CEMIP: variants seen among roughly 807,000 people sequenced by gnomAD.
CEMIP encodes cell migration inducing hyaluronidase 1.
Under a neutral mutation model 156.9 loss-of-function variants are expected in CEMIP, and 105 were observed. The observed-to-expected ratio is 0.67, with a 90% CI of 0.57 to 0.79. The LOEUF (loss-of-function observed/expected upper bound fraction) is 0.79. Ranked by LOEUF, CEMIP falls within the 30% of genes least tolerant of loss-of-function variation. CEMIP has a pLI of 0.00. For synonymous variants in CEMIP, 676 were observed against 668.4 expected, an observed-to-expected ratio of 1.01 and a Z score of -0.17; for missense variants, 1,457 against 1,769.4, an observed-to-expected ratio of 0.82 and a Z score of 3.17.
At chr15:80,912,371 G>A (rs567099363) in intron 14 of CEMIP, among the ~76,000 whole-genome samples, 40 of 152,226 alleles carry the variant, frequency 2.6e-4, no homozygotes, top group African/African-American at 8.2e-4. Flanking sequence ...GTCTCCCTCC[G>A]GCCTGGGTCT....
intron 24 of CEMIP, 75 bp from the exon 25 acceptor site, chr15:80,937,719 T>G: frequency 6.9e-7 from 1 of 1,441,446 alleles, no homozygotes; most frequent in Non-Finnish European, 9.7e-7. Context: ...TTTGGTCTCT[T>G]TCTCCAAGGC....
At chr15:80,780,440 C>G (rs1056659739) in intron 1 of CEMIP, among the ~76,000 whole-genome samples, 3 of 152,216 alleles carry the variant, frequency 2.0e-5, no homozygotes, top group African/African-American at 7.2e-5. Flanking sequence ...GATGCGTGTG[C>G]TCATGAGAGA....
At chr15:80,844,449 G>C in intron 1 of CEMIP, among the ~76,000 whole-genome samples, 1 of 152,190 alleles carries the variant, frequency 6.6e-6, no homozygotes, top group East Asian at 1.9e-4. Context: ...TCCAAATTTA[G>C]CCAGGTGACT....
chr15:80,891,195 T>C (rs1899022374), intron 10 of CEMIP, among the ~76,000 whole-genome samples: 1 of 152,218 alleles, frequency 6.6e-6, no homozygotes. Flanking sequence ...TCTTTCCTGG[T>C]GTTTGCTCTG....
chr15:80,930,257 C>T (rs1168909501), intron 21 of CEMIP, among the ~76,000 whole-genome samples: 1 of 152,254 alleles, frequency 6.6e-6, no homozygotes, highest in African/African-American at 2.4e-5. Context: ...GAAGCCCTTC[C>T]TTTTGTCTAA....
At chr15:80,791,880 T>C (rs1339625106) in intron 1 of CEMIP, among the ~76,000 whole-genome samples, 2 of 151,288 alleles carry the variant, frequency 1.3e-5, no homozygotes, top group East Asian at 1.9e-4. Context: ...GAGGAGGGAG[T>C]AGTCACCACG....
intron 1 of CEMIP, among the ~76,000 whole-genome samples, chr15:80,830,331 T>G (rs991504079): frequency 2.6e-5 from 4 of 152,252 alleles, no homozygotes; most frequent in African/African-American, 9.6e-5. Flanking sequence ...AGCCCCTGAC[T>G]GTGAGCATGA....
chr15:80,904,697 A>G (rs1899720056), intron 12 of CEMIP, among the ~76,000 whole-genome samples: 1 of 152,188 alleles, frequency 6.6e-6, no homozygotes, highest in African/African-American at 2.4e-5. Context: ...GCCAAGGAAC[A>G]CAGGCAGCCA....
At chr15:80,841,939 G>GA in intron 1 of CEMIP, 1 of 273,448 alleles carries the variant, frequency 3.7e-6, no homozygotes, top group Non-Finnish European at 7.8e-6. Flanking sequence ...TCCTGGCGGG[G>GA]ATTACATACA....
rs557100381 is a variant in CEMIP at position 80,830,180 on chromosome 15, C to T, written c.-175-43358C>T. Among the ~76,000 whole-genome samples, 5 of 152,290 alleles carry T rather than the reference C, an allele frequency of 3.3e-5. No homozygotes were observed. In the South Asian group the frequency reaches 6.2e-4, roughly 19 times the overall value. On this transcript the variant is annotated intron_variant, in intron 1 of 29. Coordinates refer to ENST00000394685, the MANE Select transcript of CEMIP (RefSeq NM_001293298.2). Reference sequence around the variant, plus strand: ...GCTGATGGCTGGTCACTTTTACATCCGCCCATAAACTTCCTTTGTTCAACC... The same window carrying T: ...GCTGATGGCTGGTCACTTTTACATCTGCCCATAAACTTCCTTTGTTCAACC...
chr15:80,898,604 G>A (rs1214107774), intron 12 of CEMIP, among the ~76,000 whole-genome samples: 1 of 152,126 alleles, frequency 6.6e-6, no homozygotes, highest in African/African-American at 2.4e-5. Flanking sequence ...TAGAGACAGA[G>A]CCTCACTATG....
intron 12 of CEMIP, chr15:80,896,316 C>A: frequency 1.6e-6 from 1 of 642,230 alleles, no homozygotes; most frequent in Non-Finnish European, 2.9e-6. Context: ...ATATGACTCC[C>A]ATTCTTCCCA....
chr15:80,850,341 A>G (rs1026145419), intron 1 of CEMIP, among the ~76,000 whole-genome samples: 3 of 152,086 alleles, frequency 2.0e-5, no homozygotes, highest in Admixed American at 2.0e-4. Context: ...CAGTAGCGCA[A>G]TCTCAGTTCA....
chr15:80,893,257 A>C (rs1243144405), intron 10 of CEMIP, among the ~76,000 whole-genome samples: 4 of 152,028 alleles, frequency 2.6e-5, no homozygotes, highest in African/African-American at 9.7e-5. Flanking sequence ...TATATTGATA[A>C]TTATTTTGTT....
At chr15:80,905,985 A>C (rs1052534777) in intron 12 of CEMIP, among the ~76,000 whole-genome samples, 1 of 152,190 alleles carries the variant, frequency 6.6e-6, no homozygotes, top group South Asian at 2.1e-4. Context: ...AGAAGCTCCA[A>C]TCTGGCTCTT....
At chr15:80,943,775 T>C (rs1901433001) in intron 28 of CEMIP, among the ~76,000 whole-genome samples, 1 of 152,174 alleles carries the variant, frequency 6.6e-6, no homozygotes, top group African/African-American at 2.4e-5. Flanking sequence ...TTGCTGTTCA[T>C]CACCAACACT....
At chr15:80,880,375 T>C (rs1009389778) in intron 5 of CEMIP, among the ~76,000 whole-genome samples, 3 of 152,234 alleles carry the variant, frequency 2.0e-5, no homozygotes, top group Non-Finnish European at 4.4e-5. Flanking sequence ...CACGTCTGCT[T>C]GGCCCTGAGG....
chr15:80,810,249 A>C (rs1896626263), intron 1 of CEMIP, among the ~76,000 whole-genome samples: 1 of 152,246 alleles, frequency 6.6e-6, no homozygotes, highest in Non-Finnish European at 1.5e-5. Flanking sequence ...AAAAAGTCTT[A>C]CAAATATAGC....
chr15:80,909,532 A>T (rs1899960969), intron 14 of CEMIP: 2 of 623,344 alleles, frequency 3.2e-6, no homozygotes, highest in Non-Finnish European at 6.0e-6. Flanking sequence ...GAGAGTGATT[A>T]CTTTGTGGTG....
Sources: gnomAD v4.1 joint callset for allele counts (sites outside exome capture counted in the v4.1 genomes callset) on GRCh38, gnomAD v4.1.1 for gene constraint, MANE v1.5 for transcripts, NCBI Gene and HGNC (gene_info 2026-07-23, HGNC 2026-07-21) for gene names.